The following SCFD2 variants were observed in gnomAD, a reference collection of about 807,000 sequenced individuals.
SCFD2 encodes the protein sec1 family domain-containing protein 2.
Under a neutral mutation model 58.9 loss-of-function variants are expected in SCFD2, and 54 were observed. That is an observed-to-expected ratio of 0.92 (90% CI 0.74 to 1.15). The LOEUF is 1.15. Among genes scored for constraint, SCFD2 ranks in the 50% most tolerant of loss-of-function variants. The pLI is 0.00. For missense variants in SCFD2, 805 were observed against 836.6 expected, an observed-to-expected ratio of 0.96 and a Z score of 0.47; for synonymous variants, 321 against 335.9, an observed-to-expected ratio of 0.96 and a Z score of 0.49.
At chr4:53,231,882 T>C (rs932588156) in intron 4 of SCFD2, among the ~76,000 whole-genome samples, 3 of 152,096 alleles carry the variant, frequency 2.0e-5, no homozygotes, top group Admixed American at 6.5e-5. Context: ...TATTAAAGTT[T>C]CATGTAATTA....
At position 53,238,311 on chromosome 4, in the gene SCFD2, C is replaced by A. The variant is rs1164014251; in HGVS notation, c.1311+35515G>T. On this transcript the variant is annotated intron_variant, in intron 4 of 8. Coordinates refer to ENST00000401642, the MANE Select transcript of SCFD2 (RefSeq NM_152540.4). The stretch of plus-strand genomic sequence containing the variant: ...GGCAGCTGGCCGGGTGGGGGCTGAC[C>A]CCCCCACCTCCCTCCTGGACGGGGC... 3.8e-3 allele frequency among the ~76,000 whole-genome samples: 373 copies of A among 99,150 alleles called. 4 individuals carry two copies. Among genetic ancestry groups the A allele is most frequent in the African/African-American group, 0.015 (357 of 23,612 alleles). 65.0% of individuals were successfully genotyped at this position (99,150 alleles called of 152,430 possible). A position where few individuals can be genotyped will look rare whatever the true frequency, so the allele number is the denominator to read the frequency against.
intron 3 of SCFD2, among the ~76,000 whole-genome samples, chr4:53,311,100 C>G (rs1732675348): frequency 6.6e-6 from 1 of 152,128 alleles, no homozygotes; most frequent in Admixed American, 6.5e-5. Flanking sequence ...CCTTACTGTT[C>G]ATAGTTATGA....
chr4:52,903,208 T>C (rs1719265317), intron 7 of SCFD2, among the ~76,000 whole-genome samples: 1 of 152,186 alleles, frequency 6.6e-6, no homozygotes, highest in Non-Finnish European at 1.5e-5. Flanking sequence ...GAAGAGAGCA[T>C]CAGATTTCTT....
intron 5 of SCFD2, among the ~76,000 whole-genome samples, chr4:53,090,861 TATC>T (rs1724447901): frequency 6.6e-6 from 1 of 152,156 alleles, no homozygotes; most frequent in Non-Finnish European, 1.5e-5. Context: ...GGATAAGCAC[TATC>T]ATCATTCCCA....
At position 53,365,851 on chromosome 4, in the gene SCFD2, C is replaced by G; in HGVS notation, c.91G>C (p.Ala31Pro). ...VKRAVVYLDA[A>P]CAESLHWGCG... ...CCCCAGTGCAGGCTCTCGGCGCAGG[C>G]GGCGTCCAGGTAAACCACAGCCCGT... The change falls in exon 1 of 9, where the codon GCC becomes CCC. Residue 31 changes from alanine (A) to proline (P), a missense_variant. Physicochemically the swap from Ala to Pro is conservative, Grantham distance 27 (BLOSUM62 -1). This residue lies in a region of SCFD2 where 155 missense variants were observed against 149.7 expected (regional missense o/e 1.04). Transcript: ENST00000401642. This position sits in a 1 kb window ranked among gnomAD's most constrained non-coding sequence, Gnocchi z 4.3. 1.2e-6 allele frequency: 2 copies of G among 1,612,962 alleles called. No individual in the cohort carries two copies. The highest frequency in any genetic ancestry group is 1.7e-6 in the Non-Finnish European group (2 of 1,179,910).
chr4:52,899,535 G>C (rs542268232), intron 7 of SCFD2, among the ~76,000 whole-genome samples: 1 of 152,302 alleles, frequency 6.6e-6, no homozygotes, highest in South Asian at 2.1e-4. Context: ...AGTCTGATGG[G>C]CTTCCCTTTG....
chr4:52,886,698 A>C (rs1395323395), intron 7 of SCFD2, among the ~76,000 whole-genome samples: 3 of 152,254 alleles, frequency 2.0e-5, no homozygotes, highest in Admixed American at 6.5e-5. Context: ...AGGTGTGATA[A>C]ACAGCCCTTA....
intron 3 of SCFD2, among the ~76,000 whole-genome samples, chr4:53,301,435 C>T (rs1204518471): frequency 2.0e-5 from 3 of 151,664 alleles, no homozygotes; most frequent in Non-Finnish European, 4.4e-5. Context: ...CAATAACAGG[C>T]TCTGAAATTG....
At chr4:53,328,321 T>C (rs913959872) in intron 2 of SCFD2, among the ~76,000 whole-genome samples, 1 of 152,060 alleles carries the variant, frequency 6.6e-6, no homozygotes, top group Non-Finnish European at 1.5e-5. Flanking sequence ...CTAAATACAA[T>C]TCTCCACCAA....
At chr4:53,311,967 T>C (rs1732706628) in intron 3 of SCFD2, among the ~76,000 whole-genome samples, 1 of 152,074 alleles carries the variant, frequency 6.6e-6, no homozygotes, top group Non-Finnish European at 1.5e-5. Context: ...TGTTTCAACA[T>C]ACTTAAGAAT....
chr4:52,998,111 C>T (rs1295509344), intron 5 of SCFD2, among the ~76,000 whole-genome samples: 1 of 152,016 alleles, frequency 6.6e-6, no homozygotes, highest in East Asian at 1.9e-4. Flanking sequence ...GCTAGGTCAC[C>T]CTGCTAGTTA....
chr4:53,253,635 A>C (rs1285263545), intron 4 of SCFD2, among the ~76,000 whole-genome samples: 2 of 151,390 alleles, frequency 1.3e-5, no homozygotes, highest in Non-Finnish European at 2.9e-5. Flanking sequence ...AAACTATCGC[A>C]AGAACAAAAA....
intron 5 of SCFD2, among the ~76,000 whole-genome samples, chr4:53,126,608 G>A (rs1173972558): frequency 2.0e-5 from 3 of 152,162 alleles, no homozygotes; most frequent in Non-Finnish European, 4.4e-5. Flanking sequence ...GAGCCACCAC[G>A]CCCATCCTCA....
At chr4:53,250,926 A>G (rs1730345944) in intron 4 of SCFD2, among the ~76,000 whole-genome samples, 2 of 152,220 alleles carry the variant, frequency 1.3e-5, no homozygotes, top group South Asian at 4.1e-4. Context: ...GAGACACAAA[A>G]AACCCTTCAA....
chr4:53,348,054 G>C (rs1307921882), intron 2 of SCFD2, among the ~76,000 whole-genome samples: 2 of 152,206 alleles, frequency 1.3e-5, no homozygotes, highest in African/African-American at 4.8e-5. Flanking sequence ...AAAAGATTCT[G>C]CCTACTTCTT....
intron 4 of SCFD2, among the ~76,000 whole-genome samples, chr4:53,153,363 C>A (rs1335223028): frequency 2.6e-5 from 4 of 152,202 alleles, no homozygotes; most frequent in African/African-American, 9.7e-5. Flanking sequence ...GTGAAACCTG[C>A]CAAGGTTTAT....
intron 1 of SCFD2, among the ~76,000 whole-genome samples, chr4:53,357,977 G>T (rs1168455585): frequency 1.3e-5 from 2 of 152,166 alleles, no homozygotes; most frequent in Non-Finnish European, 2.9e-5. Flanking sequence ...ACTCCTCTGT[G>T]CTTCAGTTTC....
At position 52,885,747 on chromosome 4, in the gene SCFD2, C is replaced by T; in HGVS notation, c.1962G>A (p.Gln654=). ...DLVASLKPGT[Q]VIVLSTRLLK... Reference sequence around the variant, plus strand: ...GTTCAAAGCATGGAGGACTCAGTACCTGGGTTCCTGGCTTCAACGATGCCA... The same window carrying T: ...GTTCAAAGCATGGAGGACTCAGTACTTGGGTTCCTGGCTTCAACGATGCCA... Residue 654 remains glutamine, a splice_region_variant and synonymous_variant, in exon 8 of 9, where the codon CAG becomes CAA. Coordinates refer to ENST00000401642, the MANE Select transcript of SCFD2 (RefSeq NM_152540.4). 1 of 1,613,860 alleles carries T rather than the reference C, an allele frequency of 6.2e-7. No individual in the cohort carries two copies. Among genetic ancestry groups the T allele is most frequent in the Non-Finnish European group, 8.5e-7 (1 of 1,179,846 alleles).
chr4:53,087,707 T>G (rs566487722), intron 5 of SCFD2, among the ~76,000 whole-genome samples: 45 of 146,426 alleles, frequency 3.1e-4, no homozygotes, highest in African/African-American at 1.1e-3. Flanking sequence ...TCCCCCAGGC[T>G]GGAGTACAAT....
Sources: allele counts gnomAD v4.1 joint callset (sites outside exome capture counted in the v4.1 genomes callset), GRCh38; gene constraint gnomAD v4.1.1; regional missense constraint gnomAD v4.1.1; non-coding constraint Gnocchi (gnomAD v3.1); transcripts MANE v1.5; gene names NCBI Gene and HGNC (gene_info 2026-07-23, HGNC 2026-07-21).